KLF11: variants seen among roughly 807,000 people sequenced by gnomAD.
KLF11 encodes Krueppel-like factor 11.
A neutral mutation model predicts 29.9 loss-of-function variants in KLF11; 26 were observed. The ratio of observed to expected loss-of-function variants is 0.87; its 90% CI spans 0.64 to 1.21. The LOEUF is 1.21. KLF11 is among the 50% of genes most tolerant of loss of function. KLF11 has a pLI of 0.00. For synonymous variants in KLF11, 318 were observed against 257.4 expected (o/e 1.24, Z -2.25); for missense variants, 778 against 665.7 (o/e 1.17, Z -1.86).
At position 10,048,408 on chromosome 2, in the gene KLF11, T is replaced by A; in HGVS notation, c.1071T>A (p.Asn357Lys). Residue 357 changes from asparagine (N) to lysine (K), a missense_variant, in exon 3 of 4, where the codon AAT (asparagine) becomes AAA (lysine). Asn to Lys is a moderately conservative substitution (Grantham distance 94). Transcript: ENST00000305883. Reference sequence around the variant, plus strand: ...CTCCGCCTGCCCCCTGTGCAGCCAATGTCATGGCTGCCGGGAATACCAAGT... The same window carrying A: ...CTCCGCCTGCCCCCTGTGCAGCCAAAGTCATGGCTGCCGGGAATACCAAGT... ...ALPPPAPCAA[N>K]VMAAGNTKLL... is the part of the protein sequence containing the mutation. 6.2e-7 allele frequency: 1 copy of A among 1,614,062 alleles called. No homozygotes were observed. Among genetic ancestry groups the A allele is most frequent in the Non-Finnish European group, 8.5e-7 (1 of 1,179,946 alleles).
At chr2:10,043,877 C>T (rs1661075738) in intron 1 of KLF11, 119 bp downstream of exon 1, 12 of 1,088,070 alleles carry the variant, frequency 1.1e-5, no homozygotes, top group Non-Finnish European at 1.0e-5. Flanking sequence ...GGCTTCGCTG[C>T]GGCCGCGCCG....
intron 1 of KLF11, among the ~76,000 whole-genome samples, chr2:10,044,754 C>G (rs939127918): frequency 6.6e-6 from 1 of 150,848 alleles, no homozygotes; most frequent in Non-Finnish European, 1.5e-5. Context: ...AGGGGTATTA[C>G]TCTTCTCAGA....
intron 2 of KLF11, 88 bp downstream of exon 2, chr2:10,046,507 C>T (rs1370529289): frequency 4.9e-6 from 7 of 1,425,986 alleles, no homozygotes; most frequent in Non-Finnish European, 6.8e-6. Context: ...AGAAGATTCC[C>T]TGGGATGCTG....
At chr2:10,050,891 C>CTTTTTT (rs1558350563) in intron 3 of KLF11, among the ~76,000 whole-genome samples, 1 of 42,028 alleles carries the variant, frequency 2.4e-5, no homozygotes, top group Non-Finnish European at 4.9e-5. Context: ...ATAGATGCTA[C>CTTTTTT]CTTTTTTTTT....
At chr2:10,048,646 G>T in intron 3 of KLF11, 51 bp downstream of exon 3, 3 of 1,401,168 alleles carry the variant, frequency 2.1e-6, no homozygotes, top group Non-Finnish European at 3.0e-6. Flanking sequence ...CTGTGGTTAG[G>T]AAGCACACCT....
intron 2 of KLF11, 85 bp from the exon 3 acceptor site, chr2:10,047,565 G>C: frequency 8.7e-7 from 1 of 1,155,176 alleles, no homozygotes. Context: ...AGATGATTCT[G>C]TGTAAAGGTA....
chr2:10,043,748 ACGCGCG>A lies in KLF11; in HGVS notation c.36_41del (p.Arg13_Ala14del). The A allele has an allele frequency of 7.3e-7, 1 of 1,378,116 alleles. No homozygotes were observed. The allele number at this position is 1,378,116 out of a possible 1,614,324, so 85.4% of individuals were successfully genotyped here. ...ACGCCGGACTTCGCAGGCCCAGACG[ACGCGCG>A]CGCAGTGAGTGGTGGGGCTGCCGCG... On this transcript the variant is annotated inframe_deletion, in exon 1 of 4. Coordinates refer to ENST00000305883, the MANE Select transcript of KLF11 (RefSeq NM_003597.5).
At chr2:10,051,269 C>T (rs913002891) in intron 3 of KLF11, among the ~76,000 whole-genome samples, 6 of 150,770 alleles carry the variant, frequency 4.0e-5, no homozygotes, top group South Asian at 4.2e-4. Context: ...AATGCAATGG[C>T]GCGATCTCCG....
rs371202712 is a variant in KLF11 at position 10,054,139 on chromosome 2, A to G, written c.*1632A>G. 6.6e-5 allele frequency: 10 copies of G among 152,118 alleles called. No individual in the cohort carries two copies. The highest frequency in any genetic ancestry group is 3.9e-4 in the Admixed American group (6 of 15,290). 9.4% of individuals were successfully genotyped at this position (152,118 alleles called of 1,614,324 possible). On this transcript the variant is annotated 3_prime_UTR_variant, in exon 4 of 4. Coordinates refer to ENST00000305883, the MANE Select transcript of KLF11 (RefSeq NM_003597.5). ...TTATTCAGAGGTTTTCAGTCTGGACACTCCATAGGTGAGTGTCGTGTCTTC... is the reference window on the plus strand; with the variant it reads ...TTATTCAGAGGTTTTCAGTCTGGACGCTCCATAGGTGAGTGTCGTGTCTTC...
intron 2 of KLF11, 41 bp downstream of exon 2, chr2:10,046,460 CTA>C (rs1491453970): frequency 4.6e-5 from 73 of 1,602,430 alleles, no homozygotes; most frequent in Middle Eastern, 1.6e-4. Flanking sequence ...TGTGAAATGA[CTA>C]GAGTAGCTGA....
In KLF11 at chr2:10,048,329, G is replaced by T. The variant is rs151317435; in HGVS notation, c.992G>T (p.Gly331Val). The change falls in exon 3 of 4, where the codon GGA becomes GTA. Residue 331 changes from glycine to valine, a missense_variant. Transcript: ENST00000305883. ...CCAGCGCCTCAACCTGTGTTCGTGG[G>T]ACCTGCTGTGCCTCAGGGAGCTGTG... ...AAPAPQPVFV[G>V]PAVPQGAVML... The T allele has an allele frequency of 2.6e-5, 41 of 1,602,764 alleles. No individual in the cohort carries two copies. The African/African-American group carries it at 5.2e-4, about 20-fold the overall frequency.
Position 10,046,427 on chromosome 2 carries a change from G to GATAT in KLF11, c.312+9_312+10insTATA, listed in dbSNP as rs1661205716. On this transcript the variant is annotated intron_variant, in intron 2 of 3. Transcript: ENST00000305883. ...CATTCTTTATCGACTCTGGTAAGAG[G>GATAT]AGGTGGGAGGGAGGAGCGTTTTTGT... 6.2e-7 allele frequency: 1 copy of GATAT among 1,613,312 alleles called. No homozygotes were observed. The highest frequency in any genetic ancestry group is 8.5e-7 in the Non-Finnish European group (1 of 1,180,034).
chr2:10,043,936 G>A lies in KLF11; in HGVS notation c.42+178G>A, dbSNP rs1030370731. 3.1e-4 allele frequency: 312 copies of A among 1,002,444 alleles called. 2 individuals are homozygous for A. The Middle Eastern group carries it at 4.9e-3, about 16-fold the overall frequency. The allele number at this position is 1,002,444 out of a possible 1,614,324, so 62.1% of individuals were successfully genotyped here. ...AGCCGGGCGGGGCGGCGGCCGCGAC[G>A]GGCGCGCCCGGGTCGGCGGGGGCGA... is the stretch of plus-strand genomic sequence containing the variant. On this transcript the variant is annotated intron_variant, in intron 1 of 3. Coordinates refer to ENST00000305883, the MANE Select transcript of KLF11 (RefSeq NM_003597.5).
intron 3 of KLF11, among the ~76,000 whole-genome samples, chr2:10,051,582 ATC>A (rs1558351008): frequency 6.6e-6 from 1 of 151,018 alleles, no homozygotes; most frequent in African/African-American, 2.4e-5. Context: ...CAGTGGTGCA[ATC>A]TCGGCTCACT....
At chr2:10,051,006 A>G (rs1274986611) in intron 3 of KLF11, among the ~76,000 whole-genome samples, 1 of 137,452 alleles carries the variant, frequency 7.3e-6, no homozygotes, top group Non-Finnish European at 1.5e-5. Context: ...GGTTCACGCC[A>G]TTCTCCTCTC....
chr2:10,046,279 G>T lies in KLF11; in HGVS notation c.172G>T (p.Gly58Cys). 6.2e-7 allele frequency: 1 copy of T among 1,614,084 alleles called. No individual in the cohort carries two copies. The highest frequency in any genetic ancestry group is 2.2e-5 in the East Asian group (1 of 44,880). Residue 58 changes from glycine to cysteine, a missense_variant, in exon 2 of 4, where the codon GGT (glycine) becomes TGT (cysteine). Gly to Cys is a radical substitution (Grantham distance 159). Coordinates refer to ENST00000305883, the MANE Select transcript of KLF11 (RefSeq NM_003597.5). ...GGCTCTTGTTTGTATGAGCTCCTGG[G>T]GTCAAAGATCCCAGAAAGGTGACCT... ...VEALVCMSSW[G>C]QRSQKGDLLR...
Position 10,053,051 on chromosome 2 carries a change from C to A in KLF11, c.*544C>A, listed in dbSNP as rs4444493. The stretch of plus-strand genomic sequence containing the variant: ...CCACAAGTTATCTGGCCTTTTAGAT[C>A]TTTTTGGAATCGGACCTGGTTGAGT... On this transcript the variant is annotated 3_prime_UTR_variant, in exon 4 of 4. Coordinates refer to ENST00000305883, the MANE Select transcript of KLF11 (RefSeq NM_003597.5). 0.094 allele frequency: 36,854 copies of A among 392,436 alleles called. 2,130 individuals are homozygous for A. Among genetic ancestry groups the A allele is most frequent in the Middle Eastern group, 0.13 (201 of 1,542 alleles). 24.3% of individuals were successfully genotyped at this position (392,436 alleles called of 1,614,324 possible).
intron 3 of KLF11, 145 bp downstream of exon 3, chr2:10,048,740 G>T (rs1558349065): frequency 1.4e-6 from 1 of 716,130 alleles, no homozygotes; most frequent in Non-Finnish European, 2.5e-6. Context: ...TGAAAAGCCC[G>T]CACAACCTTG....
chr2:10,046,196 A>T lies in KLF11; in HGVS notation c.89A>T (p.His30Leu). ...GAGTCCATCCTGGAGAGGAAGCGGC[A>T]TGACAGCGAAAGGTCTACTTGCAGC... ...ICESILERKR[H>L]DSERSTCSIL... The change falls in exon 2 of 4, where the codon CAT (histidine) becomes CTT (leucine). Residue 30 changes from histidine (H) to leucine (L), a missense_variant. By Grantham distance (99) the His-to-Leu change is moderately conservative. Transcript: ENST00000305883. 1 of 1,614,204 alleles carries T rather than the reference A, an allele frequency of 6.2e-7. No homozygotes were observed. Among genetic ancestry groups the T allele is most frequent in the Non-Finnish European group, 8.5e-7 (1 of 1,180,046 alleles).
Sources: gnomAD v4.1 joint callset for allele counts (sites outside exome capture counted in the v4.1 genomes callset) on GRCh38, gnomAD v4.1.1 for gene constraint, MANE v1.5 for transcripts, NCBI Gene and HGNC (gene_info 2026-07-23, HGNC 2026-07-21) for gene names.